Variants in GRM8 observed in about 807,000 individuals in gnomAD.
GRM8 encodes glutamate metabotropic receptor 8.
In GRM8, 47 loss-of-function variants were observed where a neutral mutation model predicts 87.2. That is an observed-to-expected ratio of 0.54 (90% CI 0.43 to 0.69). The LOEUF is 0.69. GRM8 is among the 30% of genes least tolerant of loss of function. The pLI is 0.00. For synonymous variants in GRM8, 396 were observed against 404.5 expected (o/e 0.98, Z 0.25); for missense variants, 1,019 against 1,139.2 (o/e 0.89, Z 1.52).
chr7:126,652,885 A>G (rs1254044795), intron 7 of GRM8, among the ~76,000 whole-genome samples: 1 of 152,108 alleles, frequency 6.6e-6, no homozygotes, highest in Non-Finnish European at 1.5e-5. Flanking sequence ...GGCTAACTCT[A>G]TATGTCTCCT....
chr7:126,739,349 T>C (rs1814650288), intron 7 of GRM8, among the ~76,000 whole-genome samples: 1 of 151,988 alleles, frequency 6.6e-6, no homozygotes, highest in Non-Finnish European at 1.5e-5. Flanking sequence ...GAGCAGTAGC[T>C]GGGAATTAGA....
At chr7:126,964,802 TTACTGGGTATA>T (rs1809674948) in intron 3 of GRM8, among the ~76,000 whole-genome samples, 1 of 152,192 alleles carries the variant, frequency 6.6e-6, no homozygotes, top group South Asian at 2.1e-4. Flanking sequence ...AGCAATTCCA[TTACTGGGTATA>T]TACCCAAACG....
At chr7:126,676,255 T>C (rs550603372) in intron 7 of GRM8, among the ~76,000 whole-genome samples, 1 of 152,196 alleles carries the variant, frequency 6.6e-6, no homozygotes, top group Non-Finnish European at 1.5e-5. Flanking sequence ...AAACATCCCA[T>C]GCTTATGAAT....
chr7:126,986,535 G>A lies in GRM8; in HGVS notation c.728-81852C>T, dbSNP rs144871954. On this transcript the variant is annotated intron_variant, in intron 3 of 10. Transcript: ENST00000339582. ...AATGTCTGTTTCTGTTATCATAAAT[G>A]TAGTGGTCTCTGAGAAGCTATGCAC... Among the ~76,000 whole-genome samples the A allele has an allele frequency of 2.7e-3, 414 of 152,248 alleles. 3 individuals carry two copies. Among genetic ancestry groups the A allele is most frequent in the African/African-American group, 9.5e-3 (396 of 41,556 alleles).
chr7:126,466,996 T>TTTA (rs1217316702), intron 9 of GRM8, among the ~76,000 whole-genome samples: 4 of 151,832 alleles, frequency 2.6e-5, no homozygotes, highest in Non-Finnish European at 4.4e-5. Flanking sequence ...TAAACATTCT[T>TTTA]TTATTATTAT....
At chr7:126,946,065 G>A (rs1291538957) in intron 3 of GRM8, among the ~76,000 whole-genome samples, 2 of 152,176 alleles carry the variant, frequency 1.3e-5, no homozygotes, top group East Asian at 3.9e-4. Context: ...TCTTCCTTCT[G>A]ATTCTGGCTG....
At chr7:126,504,566 G>C in intron 9 of GRM8, among the ~76,000 whole-genome samples, 1 of 151,980 alleles carries the variant, frequency 6.6e-6, no homozygotes, top group East Asian at 1.9e-4. Context: ...TATTACCTGA[G>C]TGGTGAAATA....
At chr7:126,632,521 C>G (rs1370950506) in intron 7 of GRM8, among the ~76,000 whole-genome samples, 6 of 152,132 alleles carry the variant, frequency 3.9e-5, no homozygotes, top group Admixed American at 1.3e-4. Flanking sequence ...ACCCAGCAAT[C>G]CTATTATTCA....
intron 2 of GRM8, among the ~76,000 whole-genome samples, chr7:127,234,950 T>C (rs576989018): frequency 6.6e-6 from 1 of 152,316 alleles, no homozygotes; most frequent in South Asian, 2.1e-4. Flanking sequence ...GTGAAGTCCA[T>C]AAAATTTAAA....
intron 7 of GRM8, among the ~76,000 whole-genome samples, chr7:126,758,593 G>C (rs779118261): frequency 6.6e-6 from 1 of 151,988 alleles, no homozygotes; most frequent in Non-Finnish European, 1.5e-5. Flanking sequence ...AGAGAACAGA[G>C]AAAAAATACA....
chr7:126,563,404 C>A (rs1485472850), intron 8 of GRM8, among the ~76,000 whole-genome samples: 2 of 151,894 alleles, frequency 1.3e-5, no homozygotes. Context: ...TTTTCCTTTA[C>A]CTGGAAATCC....
intron 1 of GRM8, among the ~76,000 whole-genome samples, chr7:127,248,064 T>C (rs903858144): frequency 6.6e-6 from 1 of 151,686 alleles, no homozygotes; most frequent in East Asian, 1.9e-4. Flanking sequence ...CCCAGGCATT[T>C]AAAAAAAAAT....
At chr7:126,623,231 G>A (rs1800352254) in intron 7 of GRM8, among the ~76,000 whole-genome samples, 1 of 151,790 alleles carries the variant, frequency 6.6e-6, no homozygotes, top group African/African-American at 2.4e-5. Context: ...TGTGTGGAGG[G>A]GTGTAATATA....
At chr7:127,089,679 G>T (rs1398560995) in intron 3 of GRM8, among the ~76,000 whole-genome samples, 1 of 152,148 alleles carries the variant, frequency 6.6e-6, no homozygotes, top group African/African-American at 2.4e-5. Flanking sequence ...TGCCTCATAG[G>T]CTTACATTTA....
intron 6 of GRM8, among the ~76,000 whole-genome samples, chr7:126,797,773 T>C (rs1335142922): frequency 6.6e-6 from 1 of 152,134 alleles, no homozygotes; most frequent in Non-Finnish European, 1.5e-5. Flanking sequence ...CTAAAATCTG[T>C]ACCTAGGACT....
intron 9 of GRM8, among the ~76,000 whole-genome samples, chr7:126,524,452 C>T (rs1813521005): frequency 6.6e-6 from 1 of 152,034 alleles, no homozygotes; most frequent in Non-Finnish European, 1.5e-5. Context: ...TCTTTTTTTC[C>T]CTTCTAAAAG....
chr7:126,788,420 A>AAAAAAAAAAAAAAAAAAAAAC, intron 6 of GRM8, among the ~76,000 whole-genome samples: 8 of 81,132 alleles, frequency 9.9e-5, no homozygotes, highest in African/African-American at 3.2e-4. Flanking sequence ...AAAAAAAAAA[A>AAAAAAAAAAAAAAAAAAAAAC]AAACCCTTTC....
intron 2 of GRM8, among the ~76,000 whole-genome samples, chr7:127,135,765 A>T (rs934788994): frequency 1.3e-5 from 2 of 152,132 alleles, no homozygotes; most frequent in African/African-American, 4.8e-5. Context: ...GAAAAATTTA[A>T]ATATGATAAG....
intron 6 of GRM8, among the ~76,000 whole-genome samples, chr7:126,833,382 T>C (rs772601421): frequency 1.7e-4 from 26 of 152,322 alleles, no homozygotes; most frequent in Middle Eastern, 3.4e-3. Flanking sequence ...TATGTCCAGA[T>C]ACAGGTAGTT....
Sources: gnomAD v4.1 joint callset for allele counts (sites outside exome capture counted in the v4.1 genomes callset) on GRCh38, gnomAD v4.1.1 for gene constraint, MANE v1.5 for transcripts, NCBI Gene and HGNC (gene_info 2026-07-23, HGNC 2026-07-21) for gene names.